FER: variants seen among roughly 807,000 people sequenced by gnomAD.
The protein encoded by FER is FER tyrosine kinase, also known as tyrosine-protein kinase Fer.
A neutral mutation model predicts 111.0 loss-of-function variants in FER; 63 were observed. The ratio of observed to expected loss-of-function variants is 0.57; its 90% CI spans 0.46 to 0.70. The LOEUF (loss-of-function observed/expected upper bound fraction) is 0.70, where lower values mean the gene tolerates loss of function less well. Among genes scored for constraint, FER ranks in the 30% least tolerant of loss-of-function variants. The pLI is 0.00. For missense variants in FER, 914 were observed against 954.0 expected (o/e 0.96, Z 0.55); for synonymous variants, 327 against 313.9 (o/e 1.04, Z -0.44).
intron 3 of FER, among the ~76,000 whole-genome samples, chr5:108,806,570 G>C (rs915215521): frequency 6.6e-6 from 1 of 152,222 alleles, no homozygotes; most frequent in Admixed American, 6.5e-5. Flanking sequence ...CAGGGGCAGA[G>C]CTGCCCAAGA....
chr5:108,958,365 T>C (rs896761713), intron 12 of FER, among the ~76,000 whole-genome samples: 1 of 151,756 alleles, frequency 6.6e-6, no homozygotes, highest in African/African-American at 2.4e-5. Flanking sequence ...TTCCTGGGTA[T>C]GAGAACTAGC....
At chr5:109,154,077 C>CAAA (rs3841393) in intron 17 of FER, among the ~76,000 whole-genome samples, 8 of 148,718 alleles carry the variant, frequency 5.4e-5, no homozygotes, top group South Asian at 2.1e-4. Context: ...CATACTTACG[C>CAAA]AAAAAAAAAA....
rs1759074618 is a variant in FER, at chr5:109,188,058, A to G, written c.*483A>G. The G allele has an allele frequency of 6.7e-6, 1 of 149,614 alleles. No individual in the cohort carries two copies. The highest frequency in any genetic ancestry group is 2.0e-4 in the East Asian group (1 of 5,034). The allele number at this position is 149,614 out of a possible 1,614,324, so 9.3% of individuals were successfully genotyped here. On this transcript the variant is annotated 3_prime_UTR_variant, in exon 20 of 20. Transcript: ENST00000281092. ...TTATATTTGTAAACAAACAAACAGA[A>G]TTTTATATTGGGAATTATTTGGACC...
chr5:109,060,453 A>T lies in FER; in HGVS notation c.1924+13255A>T, dbSNP rs543674638. ...TGTAAAATAATACTTTGGGAGGCTG[A>T]GGCGGGCGGATCATGAGGTCAAGAG... On this transcript the variant is annotated intron_variant, in intron 16 of 19. Coordinates refer to ENST00000281092, the MANE Select transcript of FER (RefSeq NM_005246.4). 2.6e-5 allele frequency among the ~76,000 whole-genome samples: 4 copies of T among 152,212 alleles called. No individual in the cohort carries two copies. In the East Asian group the frequency reaches 7.7e-4, roughly 29 times the overall value.
chr5:109,053,632 T>A (rs145687992), intron 16 of FER, among the ~76,000 whole-genome samples: 1 of 152,002 alleles, frequency 6.6e-6, no homozygotes, highest in East Asian at 1.9e-4. Context: ...TATTTTAAGA[T>A]TAATCCATAT....
Position 108,863,123 on chromosome 5 carries a change from T to G in FER, c.482-4644T>G, listed in dbSNP as rs537264655. On this transcript the variant is annotated intron_variant, in intron 5 of 19. Transcript: ENST00000281092. ...CATAGATATGTCAGTTGCACTGACC[T>G]TTTTTTTTGTTTGTTTGACAGAGTC... Among the ~76,000 whole-genome samples the G allele has an allele frequency of 2.1e-4, 31 of 151,056 alleles. 2 individuals carry two copies. In the South Asian group the frequency reaches 6.5e-3, roughly 32 times the overall value.
intron 10 of FER, among the ~76,000 whole-genome samples, chr5:108,919,095 C>T (rs1041565822): frequency 1.3e-5 from 2 of 151,968 alleles, no homozygotes; most frequent in Non-Finnish European, 2.9e-5. Context: ...AATCACTTCC[C>T]TTTTTAGGAT....
intron 8 of FER, among the ~76,000 whole-genome samples, chr5:108,878,302 A>G (rs1271448766): frequency 6.6e-6 from 1 of 152,218 alleles, no homozygotes; most frequent in Admixed American, 6.5e-5. Context: ...AAGGTATACA[A>G]TAAAAATTAA....
At position 108,942,191 on chromosome 5, in the gene FER, G is replaced by A. The variant is rs116811626; in HGVS notation, c.1237-3939G>A. ...TTGAATAGGACGGGAGCTAATTATA[G>A]CCTTCTTCTTGGGTCTTATTTCCCT... On this transcript the variant is annotated intron_variant, in intron 10 of 19. Transcript: ENST00000281092. Among the ~76,000 whole-genome samples the A allele has an allele frequency of 5.9e-3, 902 of 152,250 alleles. 5 individuals are homozygous for A. Among genetic ancestry groups the A allele is most frequent in the African/African-American group, 0.021 (865 of 41,560 alleles).
At chr5:109,029,253 T>G (rs1291877061) in intron 13 of FER, among the ~76,000 whole-genome samples, 16 of 150,628 alleles carry the variant, frequency 1.1e-4, no homozygotes, top group South Asian at 2.1e-4. Context: ...ACCTTTTTTT[T>G]TTTATTATTA....
chr5:108,943,153 T>C (rs983147824), intron 10 of FER, among the ~76,000 whole-genome samples: 3 of 152,150 alleles, frequency 2.0e-5, no homozygotes, highest in African/African-American at 7.2e-5. Context: ...TCAGGCGAAC[T>C]GTGACTAACT....
At chr5:109,012,344 T>G (rs1373191477) in intron 13 of FER, among the ~76,000 whole-genome samples, 5 of 152,198 alleles carry the variant, frequency 3.3e-5, no homozygotes, top group African/African-American at 1.2e-4. Flanking sequence ...GCTTATTTAG[T>G]ATGTTTTTCA....
intron 12 of FER, among the ~76,000 whole-genome samples, chr5:108,957,771 A>C (rs1758620030): frequency 6.6e-6 from 1 of 151,574 alleles, no homozygotes; most frequent in Non-Finnish European, 1.5e-5. Flanking sequence ...TGTACCATAT[A>C]CTGGGTAAAG....
At chr5:108,814,457 G>T (rs9885265) in intron 3 of FER, among the ~76,000 whole-genome samples, 34,796 of 152,112 alleles carry the variant, frequency 0.23, 4,168 homozygotes, top group African/African-American at 0.28. Context: ...GGTACAATAC[G>T]TGTTTGTATA....
chr5:109,045,824 A>C (rs554407892), intron 15 of FER, among the ~76,000 whole-genome samples: 1 of 152,322 alleles, frequency 6.6e-6, no homozygotes, highest in East Asian at 1.9e-4. Context: ...GTGCAAATCC[A>C]GGGGGAGTTA....
chr5:109,170,388 T>C (rs551081660), intron 17 of FER, among the ~76,000 whole-genome samples: 1 of 152,220 alleles, frequency 6.6e-6, no homozygotes, highest in South Asian at 2.1e-4. Context: ...ATAAAATGAA[T>C]AGTATTTCAA....
chr5:108,862,525 T>TA (rs1763629604), intron 5 of FER, among the ~76,000 whole-genome samples: 1 of 152,154 alleles, frequency 6.6e-6, no homozygotes, highest in Non-Finnish European at 1.5e-5. Context: ...TTCAGGGAAT[T>TA]AATTAGGAAT....
chr5:108,988,031 T>A (rs2149739060), intron 13 of FER, among the ~76,000 whole-genome samples: 1 of 152,332 alleles, frequency 6.6e-6, no homozygotes, highest in South Asian at 2.1e-4. Flanking sequence ...CAAATGCTTT[T>A]TCTGCGTTTC....
chr5:108,982,594 T>C (rs1233301818), intron 13 of FER, among the ~76,000 whole-genome samples: 1 of 152,096 alleles, frequency 6.6e-6, no homozygotes, highest in Non-Finnish European at 1.5e-5. Context: ...ATTAACACTA[T>C]TTTTTCGGTA....
Sources: allele counts gnomAD v4.1 joint callset (sites outside exome capture counted in the v4.1 genomes callset), GRCh38; gene constraint gnomAD v4.1.1; transcripts MANE v1.5; gene names NCBI Gene and HGNC (gene_info 2026-07-23, HGNC 2026-07-21).